Variants in HTT observed in about 807,000 individuals in gnomAD.
The protein encoded by HTT is huntington disease protein.
Under a neutral mutation model 362.3 loss-of-function variants are expected in HTT, and 104 were observed. That is an observed-to-expected ratio of 0.29 (90% CI 0.24 to 0.34). The LOEUF (loss-of-function observed/expected upper bound fraction) is 0.34, where lower values mean the gene tolerates loss of function less well. Ranked by LOEUF, HTT falls within the 10% of genes least tolerant of loss-of-function variation. The pLI, the probability that HTT is intolerant of heterozygous loss-of-function variation, is 1.00. For missense variants in HTT, 3,301 were observed against 3,928.6 expected, an observed-to-expected ratio of 0.84 and a Z score of 4.27; for synonymous variants, 1,577 against 1,548.7, an observed-to-expected ratio of 1.02 and a Z score of -0.43.
At position 3,209,845 on chromosome 4, in the gene HTT, G is replaced by T. The variant is rs771129823; in HGVS notation, c.6310G>T (p.Val2104Phe). The T allele has an allele frequency of 6.2e-7, 1 of 1,613,916 alleles. No individual in the cohort carries two copies. Among genetic ancestry groups the T allele is most frequent in the South Asian group, 1.1e-5 (1 of 91,076 alleles). ...TTCCCAGGACTGGTACGTTCATCTT[G>T]TCAAATCCCAGTGTTGGACCAGGTC... ...SPDKDWYVHL[V>F]KSQCWTRSDS... The change falls in exon 47 of 67, where the codon GTC (valine) becomes TTC (phenylalanine). Residue 2104 changes from valine to phenylalanine, a missense_variant. Around this residue, in one of 4 missense-constraint regions of HTT, gnomAD observed 2,316 missense variants for 2,658.5 expected, o/e 0.87. Transcript: ENST00000355072.
chr4:3,128,096 C>T (rs943909504), intron 12 of HTT, among the ~76,000 whole-genome samples: 2 of 152,000 alleles, frequency 1.3e-5, no homozygotes, highest in Non-Finnish European at 2.9e-5. Flanking sequence ...CCACACTCAG[C>T]TAATGTTTGT....
Position 3,206,514 on chromosome 4 carries a change from T to G in HTT, c.5737T>G (p.Ser1913Ala). ...CDYVCQNLHD[S>A]EHLTWLIVNH... ...TCCTTAGTGTCAGAACCTCCATGACTCCGAGCACTTAACGTGGCTCATTGT... is the reference window on the plus strand; with the variant it reads ...TCCTTAGTGTCAGAACCTCCATGACGCCGAGCACTTAACGTGGCTCATTGT... The change falls in exon 43 of 67, where the codon TCC becomes GCC. Residue 1913 changes from serine to alanine, a missense_variant. Transcript: ENST00000355072. The surrounding 1 kb of genome is among the most constrained non-coding windows in gnomAD (Gnocchi z 4.6). 1 of 1,613,990 alleles carries G rather than the reference T, an allele frequency of 6.2e-7. No individual in the cohort carries two copies.
At chr4:3,235,063 C>T (rs1238198442) in intron 61 of HTT, among the ~76,000 whole-genome samples, 2 of 151,992 alleles carry the variant, frequency 1.3e-5, no homozygotes, top group African/African-American at 2.4e-5. Context: ...GAGGGCAGGG[C>T]GTTGGGGAGG....
At chr4:3,203,390 G>A (rs568010355) in intron 41 of HTT, among the ~76,000 whole-genome samples, 1 of 152,346 alleles carries the variant, frequency 6.6e-6, no homozygotes, top group African/African-American at 2.4e-5. Flanking sequence ...GGCAGTTTGG[G>A]AGTGTGTCAA....
rs187059132 is a variant in HTT, at chr4:3,143,420, G to C, written c.3066+534G>C. ...CCACTGCACTCCAGCCTGTGCAATA[G>C]AGCGAGACTCTGTCTCAAAAAAAAA... is the stretch of plus-strand genomic sequence containing the variant. On this transcript the variant is annotated intron_variant, in intron 23 of 66. Transcript: ENST00000355072. 8.4e-3 allele frequency among the ~76,000 whole-genome samples: 1,053 copies of C among 125,116 alleles called. 3 individuals are homozygous for C. Among genetic ancestry groups the C allele is most frequent in the Non-Finnish European group, 0.013 (830 of 62,376 alleles). 82.1% of individuals were successfully genotyped at this position (125,116 alleles called of 152,430 possible). A position where few individuals can be genotyped will look rare whatever the true frequency, so the allele number is the denominator to read the frequency against.
chr4:3,227,965 A>G (rs1405987517), intron 57 of HTT, among the ~76,000 whole-genome samples: 1 of 152,176 alleles, frequency 6.6e-6, no homozygotes, highest in Non-Finnish European at 1.5e-5. Context: ...AGCTGTTCAT[A>G]CAGACTCCTC....
chr4:3,160,313 A>G lies in HTT; in HGVS notation c.3785A>G (p.Lys1262Arg). Residue 1262 changes from lysine (K) to arginine (R), a missense_variant, in exon 29 of 67, where the codon AAG becomes AGG. Transcript: ENST00000355072. The stretch of plus-strand genomic sequence containing the variant: ...CTGGATCTTCAGAACAGCACGGAAA[A>G]GTTTGGAGGGTTTCTCCGCTCAGCC... ...VTLDLQNSTE[K>R]FGGFLRSALD... 1 of 1,553,072 alleles carries G rather than the reference A, an allele frequency of 6.4e-7. No homozygotes were observed. The highest frequency in any genetic ancestry group is 2.4e-5 in the East Asian group (1 of 41,320).
chr4:3,089,122 TAC>T (rs1713366693), intron 2 of HTT, among the ~76,000 whole-genome samples: 1 of 152,226 alleles, frequency 6.6e-6, no homozygotes, highest in Non-Finnish European at 1.5e-5. Context: ...AATCCCTAGT[TAC>T]ACAGTTCTTG....
intron 33 of HTT, 24 bp downstream of exon 33, chr4:3,175,131 C>A: frequency 6.3e-7 from 1 of 1,592,506 alleles, no homozygotes; most frequent in Non-Finnish European, 8.6e-7. Flanking sequence ...ATCTTTCATC[C>A]ATCATACCTG....
intron 25 of HTT, 68 bp from the exon 26 acceptor site, chr4:3,147,937 G>T: frequency 7.6e-7 from 1 of 1,313,548 alleles, no homozygotes; most frequent in Non-Finnish European, 1.1e-6. Context: ...AATGACTTCA[G>T]TTCCCCAAGC....
chr4:3,176,710 G>GT (rs1274520539), intron 33 of HTT, among the ~76,000 whole-genome samples: 1 of 152,220 alleles, frequency 6.6e-6, no homozygotes, highest in Non-Finnish European at 1.5e-5. Flanking sequence ...TACAGTGACA[G>GT]TTTTATGAAC....
chr4:3,116,682 C>CCTT (rs1715044225), intron 8 of HTT, among the ~76,000 whole-genome samples: 1 of 152,130 alleles, frequency 6.6e-6, no homozygotes, highest in Non-Finnish European at 1.5e-5. Context: ...GGTCTAGGCA[C>CCTT]GGTGGTATAT....
rs745510797 is a variant in HTT, at chr4:3,157,023, C to G, written c.3626-49C>G. ...TTCCAGTAATCTCTTTAAAACTTGG[C>G]AAGTTATTTTGATCTAAAAGTTTAT... On this transcript the variant is annotated intron_variant, in intron 27 of 66. Coordinates refer to ENST00000355072, the MANE Select transcript of HTT (RefSeq NM_001388492.1). 9 of 1,494,576 alleles carry G rather than the reference C, an allele frequency of 6.0e-6. No homozygotes were observed. In the East Asian group the frequency reaches 1.6e-4, roughly 27 times the overall value. The allele number at this position is 1,494,576 out of a possible 1,614,324, so 92.6% of individuals were successfully genotyped here. A position where few individuals can be genotyped will look rare whatever the true frequency, so the allele number is the denominator to read the frequency against.
intron 29 of HTT, among the ~76,000 whole-genome samples, chr4:3,171,055 C>A (rs1717948832): frequency 6.6e-6 from 1 of 152,172 alleles, no homozygotes; most frequent in Non-Finnish European, 1.5e-5. Flanking sequence ...TGTTAAAGTC[C>A]TTTGTTAGAC....
At chr4:3,215,307 G>A (rs914031908) in intron 51 of HTT, 96 bp downstream of exon 51, 5 of 829,530 alleles carry the variant, frequency 6.0e-6, no homozygotes, top group African/African-American at 3.4e-5. Flanking sequence ...TGGACTCCTG[G>A]AAGCGCACCG....
In HTT at chr4:3,132,307, T is replaced by C. The variant is rs363079; in HGVS notation, c.2237-255T>C. 3.2e-3 allele frequency among the ~76,000 whole-genome samples: 491 copies of C among 152,334 alleles called. 4 individuals are homozygous for C. The highest frequency in any genetic ancestry group is 0.011 in the African/African-American group (477 of 41,574). ...AATCTGGAATTTTAATCAGATTTAT[T>C]ATCTGACAACCTAGAATTATAATCC... On this transcript the variant is annotated intron_variant, in intron 16 of 66. Coordinates refer to ENST00000355072, the MANE Select transcript of HTT (RefSeq NM_001388492.1).
chr4:3,119,912 G>A (rs745313806), intron 8 of HTT, among the ~76,000 whole-genome samples: 23 of 152,172 alleles, frequency 1.5e-4, no homozygotes, highest in Admixed American at 3.9e-4. Context: ...AGTCTTGCAG[G>A]CCATCCCAAG....
rs527450567 is a variant in HTT, at chr4:3,228,335, G to A, written c.7849-280G>A. 1.7e-4 allele frequency among the ~76,000 whole-genome samples: 26 copies of A among 152,314 alleles called. No homozygotes were observed. Among genetic ancestry groups the A allele is most frequent in the African/African-American group, 5.8e-4 (24 of 41,560 alleles). On this transcript the variant is annotated intron_variant, in intron 57 of 66. Transcript: ENST00000355072. This position sits in a 1 kb window ranked among gnomAD's most constrained non-coding sequence, Gnocchi z 4.3. ...CACTTAGGAGTGAAAGCATCCCTTC[G>A]TAGAGCCTCTTTCTGTGTCACCCTC...
intron 6 of HTT, among the ~76,000 whole-genome samples, chr4:3,114,197 C>T (rs1234750003): frequency 6.6e-6 from 1 of 152,246 alleles, no homozygotes; most frequent in Admixed American, 6.5e-5. Flanking sequence ...ACAGATCGCT[C>T]ATGCTATTGT....
Sources: allele counts gnomAD v4.1 joint callset (sites outside exome capture counted in the v4.1 genomes callset), GRCh38; gene constraint gnomAD v4.1.1; regional missense constraint gnomAD v4.1.1; non-coding constraint Gnocchi (gnomAD v3.1); transcripts MANE v1.5; gene names NCBI Gene and HGNC (gene_info 2026-07-23, HGNC 2026-07-21).